The following COA5 variants were observed in gnomAD, a reference collection of about 807,000 sequenced individuals.
COA5 encodes cytochrome c oxidase assembly factor 5.
Under a neutral mutation model 11.8 loss-of-function variants are expected in COA5, and 11 were observed. The ratio of observed to expected loss-of-function variants is 0.93; its 90% confidence interval spans 0.59 to 1.54. The LOEUF is 1.54. Ranked by LOEUF, COA5 falls within the 40% of genes most tolerant of loss-of-function variation. The pLI is 0.00. For synonymous variants in COA5, 38 were observed against 37.5 expected (o/e 1.01, Z -0.05); for missense variants, 87 against 89.2 (o/e 0.97, Z 0.10).
At chr2:98,606,407 A>G (rs949082871) in intron 1 of COA5, among the ~76,000 whole-genome samples, 1 of 152,226 alleles carries the variant, frequency 6.6e-6, no homozygotes, top group Non-Finnish European at 1.5e-5. Context: ...TTCCATCTAA[A>G]GAACTGCTTA....
In COA5 at chr2:98,600,684, T is replaced by G. The variant is rs992120786; in HGVS notation, c.*68A>C. 7.3e-7 allele frequency: 1 copy of G among 1,376,922 alleles called. No individual in the cohort carries two copies. The highest frequency in any genetic ancestry group is 1.0e-6 in the Non-Finnish European group (1 of 976,858). The allele number at this position is 1,376,922 out of a possible 1,614,324, so 85.3% of individuals were successfully genotyped here. ...TGTAGTAAAAAGTATGTTTCCTGTTTTGGCTTCTTTGTGTTAATGACCAGG... is the reference window on the plus strand; with the variant it reads ...TGTAGTAAAAAGTATGTTTCCTGTTGTGGCTTCTTTGTGTTAATGACCAGG... On this transcript the variant is annotated 3_prime_UTR_variant, in exon 3 of 3. Coordinates refer to ENST00000328709, the MANE Select transcript of COA5 (RefSeq NM_001008215.3).
intron 1 of COA5, 76 bp downstream of exon 1, chr2:98,608,231 C>T (rs896485833): frequency 2.6e-6 from 3 of 1,136,004 alleles, no homozygotes; most frequent in Non-Finnish European, 3.9e-6. Flanking sequence ...CCGCCGCGGG[C>T]GACCCGCTGC....
At chr2:98,601,600 C>G (rs1210655847) in intron 2 of COA5, among the ~76,000 whole-genome samples, 1 of 152,176 alleles carries the variant, frequency 6.6e-6, no homozygotes. Context: ...GGCAAACTTG[C>G]ATAGTCAATG....
At chr2:98,605,134 G>A (rs1286148606) in intron 1 of COA5, among the ~76,000 whole-genome samples, 2 of 152,200 alleles carry the variant, frequency 1.3e-5, no homozygotes, top group Non-Finnish European at 2.9e-5. Flanking sequence ...CTAAAGCTAA[G>A]AGACAGTCAT....
chr2:98,605,438 A>G (rs1396711725), intron 1 of COA5, among the ~76,000 whole-genome samples: 2 of 152,128 alleles, frequency 1.3e-5, no homozygotes, highest in African/African-American at 4.8e-5. Context: ...ATATTTTCCT[A>G]TTTTCACAGC....
Position 98,599,944 on chromosome 2 carries a change from C to T in COA5, c.*808G>A, listed in dbSNP as rs1700618115. The T allele has an allele frequency of 6.6e-6, 1 of 152,366 alleles. No individual in the cohort carries two copies. Among genetic ancestry groups the T allele is most frequent in the Admixed American group, 6.5e-5 (1 of 15,292 alleles). 9.4% of individuals were successfully genotyped at this position (152,366 alleles called of 1,614,324 possible). On this transcript the variant is annotated 3_prime_UTR_variant, in exon 3 of 3. Transcript: ENST00000328709. ...GGCCAAGATCACAGGCCCCCATCCC[C>T]TCTTCCACAGGGACTGGTCCAATGC...
chr2:98,604,327 T>C, intron 1 of COA5, 136 bp from the exon 2 acceptor site: 1 of 729,392 alleles, frequency 1.4e-6, no homozygotes, highest in South Asian at 1.6e-5. Context: ...AAATAGTTCT[T>C]AATTCATTTG....
intron 1 of COA5, among the ~76,000 whole-genome samples, chr2:98,607,066 G>A (rs1417939823): frequency 2.0e-5 from 3 of 152,132 alleles, no homozygotes; most frequent in Non-Finnish European, 4.4e-5. Context: ...TTGGGCTAAC[G>A]CATTTTTCTC....
In COA5 at chr2:98,608,294, C is replaced by T. The variant is rs367912386; in HGVS notation, c.99+13G>A. Reference sequence around the variant, plus strand: ...CAGGGGTCGTCACCACCGGGAGCGCCCGGCCGCGCTACCTGGACCACACAG... The same window carrying T: ...CAGGGGTCGTCACCACCGGGAGCGCTCGGCCGCGCTACCTGGACCACACAG... On this transcript the variant is annotated intron_variant, in intron 1 of 2. Transcript: ENST00000328709. 1 of 1,577,724 alleles carries T rather than the reference C, an allele frequency of 6.3e-7. No individual in the cohort carries two copies. Among genetic ancestry groups the T allele is most frequent in the East Asian group, 2.3e-5 (1 of 43,360 alleles).
Position 98,600,418 on chromosome 2 carries a change from G to A in COA5, c.*334C>T, listed in dbSNP as rs1247209722. ...ACTGTGTCAGTCAAATCAGTGGCCT[G>A]TACTAATTGGGTAATTCAATTGAAG... On this transcript the variant is annotated 3_prime_UTR_variant, in exon 3 of 3. Coordinates refer to ENST00000328709, the MANE Select transcript of COA5 (RefSeq NM_001008215.3). 1 of 371,280 alleles carries A rather than the reference G, an allele frequency of 2.7e-6. No homozygotes were observed. Among genetic ancestry groups the A allele is most frequent in the Non-Finnish European group, 5.1e-6 (1 of 196,426 alleles). The allele number at this position is 371,280 out of a possible 1,614,324, so 23.0% of individuals were successfully genotyped here.
At chr2:98,608,198 C>A (rs777224779) in intron 1 of COA5, 109 bp downstream of exon 1, 36 of 783,592 alleles carry the variant, frequency 4.6e-5, no homozygotes, top group South Asian at 4.6e-4. Flanking sequence ...GTGACCTACG[C>A]CCGGGATGGT....
intron 1 of COA5, among the ~76,000 whole-genome samples, chr2:98,605,209 A>G (rs1320365964): frequency 2.0e-5 from 3 of 152,192 alleles, no homozygotes; most frequent in African/African-American, 7.2e-5. Flanking sequence ...TATCCAGCAT[A>G]TGGCTGGGTG....
At chr2:98,605,314 G>C (rs1700693092) in intron 1 of COA5, among the ~76,000 whole-genome samples, 2 of 152,080 alleles carry the variant, frequency 1.3e-5, no homozygotes, top group Non-Finnish European at 2.9e-5. Context: ...TTCTGGGTTG[G>C]TCCTTAAAGA....
At chr2:98,606,638 C>A (rs575434407) in intron 1 of COA5, among the ~76,000 whole-genome samples, 14 of 152,342 alleles carry the variant, frequency 9.2e-5, no homozygotes, top group Non-Finnish European at 1.3e-4. Context: ...GCTGTATCAA[C>A]CGCTGCAGAA....
chr2:98,606,642 T>G (rs1700709028), intron 1 of COA5, among the ~76,000 whole-genome samples: 1 of 152,246 alleles, frequency 6.6e-6, no homozygotes, highest in African/African-American at 2.4e-5. Context: ...TATCAACCGC[T>G]GCAGAAAGCC....
At position 98,608,378 on chromosome 2, in the gene COA5, G is replaced by A. The variant is rs1700742726; in HGVS notation, c.28C>T (p.Gln10Ter). 1.2e-6 allele frequency: 2 copies of A among 1,605,950 alleles called. No homozygotes were observed. The highest frequency in any genetic ancestry group is 1.3e-5 in the African/African-American group (1 of 74,850). The change falls in exon 1 of 3, where the codon CAG becomes TAG. Residue 10 changes from glutamine (Q) to a stop codon, truncating the protein, a stop_gained. Transcript: ENST00000328709. LOFTEE classifies it high-confidence loss of function. ...TTCAGGCCCGCGCACGCGCCGCCCTGCGGCTTGTCCTCATAATACTTAGGC... is the reference window on the plus strand; with the variant it reads ...TTCAGGCCCGCGCACGCGCCGCCCTACGGCTTGTCCTCATAATACTTAGGC... MPKYYEDKP[Q>*]GGACAGLKED...
At chr2:98,602,816 C>A (rs1700659132) in intron 2 of COA5, among the ~76,000 whole-genome samples, 1 of 152,106 alleles carries the variant, frequency 6.6e-6, no homozygotes, top group Admixed American at 6.5e-5. Flanking sequence ...AAAAAAAAAT[C>A]TGACTTCGTT....
intron 2 of COA5, among the ~76,000 whole-genome samples, chr2:98,601,675 T>C (rs1348586157): frequency 6.6e-6 from 1 of 152,162 alleles, no homozygotes; most frequent in Non-Finnish European, 1.5e-5. Flanking sequence ...TACCAGTCCA[T>C]GGCCTGGCAG....
At chr2:98,608,183 G>A (rs1338913948) in intron 1 of COA5, 124 bp downstream of exon 1, 4 of 721,894 alleles carry the variant, frequency 5.5e-6, no homozygotes, top group African/African-American at 1.7e-5. Flanking sequence ...CAGTGAGCCC[G>A]AGCTGTGACC....
Sources: allele counts gnomAD v4.1 joint callset (sites outside exome capture counted in the v4.1 genomes callset), GRCh38; gene constraint gnomAD v4.1.1; transcripts MANE v1.5; gene names NCBI Gene and HGNC (gene_info 2026-07-23, HGNC 2026-07-21).